CYRIB: variants seen among roughly 807,000 people sequenced by gnomAD.
CYRIB encodes CYFIP related Rac1 interactor B.
CYRIB carries 8 observed loss-of-function variants against 44.2 expected under a neutral mutation model. The ratio of observed to expected loss-of-function variants is 0.18; its 90% CI spans 0.11 to 0.33. The LOEUF (loss-of-function observed/expected upper bound fraction) is 0.33, where lower values mean the gene tolerates loss of function less well. CYRIB is among the 10% of genes least tolerant of loss of function. The probability of loss-of-function intolerance (pLI) is 1.00; values close to 1 mark genes in which losing one functional copy is unlikely to be tolerated. For synonymous variants in CYRIB, 131 were observed against 127.2 expected, an observed-to-expected ratio of 1.03 and a Z score of -0.20; for missense variants, 185 against 382.8, an observed-to-expected ratio of 0.48 and a Z score of 4.31.
At chr8:129,996,450 G>A (rs2096769184) in intron 1 of CYRIB, among the ~76,000 whole-genome samples, 1 of 152,190 alleles carries the variant, frequency 6.6e-6, no homozygotes, top group African/African-American at 2.4e-5. Context: ...GAAGCAGAAT[G>A]GATGTCCTGA....
At chr8:129,868,815 A>C (rs554866608) in intron 4 of CYRIB, 1 of 151,732 alleles carries the variant, frequency 6.6e-6, no homozygotes, top group South Asian at 2.1e-4. Flanking sequence ...TAGAGAAAAC[A>C]CTATTATTAT....
chr8:130,013,567 G>A (rs763219895), intron 1 of CYRIB, among the ~76,000 whole-genome samples: 6 of 152,288 alleles, frequency 3.9e-5, no homozygotes, highest in South Asian at 4.1e-4. Flanking sequence ...AGTGGTGGAC[G>A]ATTTTGCTGA....
intron 4 of CYRIB, among the ~76,000 whole-genome samples, chr8:129,862,631 C>T (rs1264396532): frequency 6.6e-6 from 1 of 152,136 alleles, no homozygotes; most frequent in African/African-American, 2.4e-5. Flanking sequence ...CCACCACACC[C>T]AGCTGAATTT....
At chr8:130,000,356 C>T (rs762827786) in intron 1 of CYRIB, among the ~76,000 whole-genome samples, 20 of 152,172 alleles carry the variant, frequency 1.3e-4, no homozygotes, top group Non-Finnish European at 1.9e-4. Flanking sequence ...TATATACACA[C>T]ATCAAAATGA....
chr8:129,878,642 G>A (rs1409436992), intron 3 of CYRIB, among the ~76,000 whole-genome samples: 1 of 151,942 alleles, frequency 6.6e-6, no homozygotes, highest in Non-Finnish European at 1.5e-5. Flanking sequence ...TTAACAACCA[G>A]ACAAGCTAAA....
In CYRIB at chr8:129,852,837, G is replaced by A. The variant is rs1410189632; in HGVS notation, c.517-559C>T. Among the ~76,000 whole-genome samples, 3 of 152,238 alleles carry A rather than the reference G, an allele frequency of 2.0e-5. No individual in the cohort carries two copies. The East Asian group carries it at 5.8e-4, about 29-fold the overall frequency. ...GCAACCAACGAAAGATACAGGTTGG[G>A]GTCAGACTGTATAGTGCCATAAATG... is the stretch of plus-strand genomic sequence containing the variant. On this transcript the variant is annotated intron_variant, in intron 7 of 11. Transcript: ENST00000519824.
At chr8:129,864,676 C>G (rs527308344) in intron 4 of CYRIB, 1 of 248,712 alleles carries the variant, frequency 4.0e-6, no homozygotes, top group Non-Finnish European at 8.0e-6. Flanking sequence ...GCTGAAAATG[C>G]CCAGTTCCTA....
chr8:129,913,448 T>G (rs1462162069), intron 1 of CYRIB, among the ~76,000 whole-genome samples: 3 of 152,244 alleles, frequency 2.0e-5, no homozygotes, highest in African/African-American at 7.2e-5. Flanking sequence ...ATTCATTAGC[T>G]AATCCTTTTT....
chr8:129,996,125 T>C (rs1408597869), intron 1 of CYRIB, among the ~76,000 whole-genome samples: 2 of 152,172 alleles, frequency 1.3e-5, no homozygotes, highest in East Asian at 3.9e-4. Flanking sequence ...ATCCACTCCT[T>C]CATTCATTCA....
rs192255066 is a variant in CYRIB, at chr8:129,949,649, T to C, written c.-243+21294A>G. Among the ~76,000 whole-genome samples the C allele has an allele frequency of 5.7e-4, 87 of 151,470 alleles. No individual in the cohort carries two copies. The South Asian group carries it at 0.011, about 19-fold the overall frequency. On this transcript the variant is annotated intron_variant, in intron 2 of 14. Coordinates refer to the CYRIB transcript ENST00000401979. ...TTGGGAGGCCGAGGTGGGCAGATCATTTGAGGTCGGGAGTTCGAGACCAGC... is the reference window on the plus strand; with the variant it reads ...TTGGGAGGCCGAGGTGGGCAGATCACTTGAGGTCGGGAGTTCGAGACCAGC...
chr8:129,954,086 T>C (rs933974980), intron 2 of CYRIB, among the ~76,000 whole-genome samples: 5 of 152,136 alleles, frequency 3.3e-5, no homozygotes, highest in Non-Finnish European at 5.9e-5. Flanking sequence ...AATGAGAACG[T>C]ATCCCTCTCC....
At chr8:129,992,795 T>G (rs557063976) in intron 1 of CYRIB, among the ~76,000 whole-genome samples, 1 of 152,252 alleles carries the variant, frequency 6.6e-6, no homozygotes, top group South Asian at 2.1e-4. Context: ...CCGTGAGAAT[T>G]ACAAACAGAA....
At chr8:130,010,733 A>C (rs2097196240) in intron 1 of CYRIB, among the ~76,000 whole-genome samples, 1 of 152,018 alleles carries the variant, frequency 6.6e-6, no homozygotes, top group Non-Finnish European at 1.5e-5. Flanking sequence ...CCTCTAAGCT[A>C]ACTTGGAAAC....
In CYRIB at chr8:130,015,467, C is replaced by G. The variant is rs148721175; in HGVS notation, c.-296+903G>C. 7.2e-5 allele frequency among the ~76,000 whole-genome samples: 11 copies of G among 152,334 alleles called. No homozygotes were observed. In the East Asian group the frequency reaches 1.7e-3, roughly 24 times the overall value. ...GGTAAGCGACTTGCCCAAGGTCACACAGCTAGTAAGCGGCAGGGCCAGGAA... is the reference window on the plus strand; with the variant it reads ...GGTAAGCGACTTGCCCAAGGTCACAGAGCTAGTAAGCGGCAGGGCCAGGAA... On this transcript the variant is annotated intron_variant, in intron 1 of 14. Coordinates refer to the CYRIB transcript ENST00000401979.
At chr8:129,910,080 G>A (rs1043514876) in intron 1 of CYRIB, among the ~76,000 whole-genome samples, 1 of 152,206 alleles carries the variant, frequency 6.6e-6, no homozygotes, top group Non-Finnish European at 1.5e-5. Context: ...TGTCCTCACA[G>A]GAGCTCTCCA....
intron 2 of CYRIB, among the ~76,000 whole-genome samples, chr8:129,952,395 A>C (rs1156810120): frequency 6.6e-6 from 1 of 152,180 alleles, no homozygotes; most frequent in African/African-American, 2.4e-5. Flanking sequence ...TATTACATGT[A>C]TATGTATGTA....
At chr8:129,898,551 T>TAA (rs1325373602) in intron 2 of CYRIB, among the ~76,000 whole-genome samples, 1 of 152,244 alleles carries the variant, frequency 6.6e-6, no homozygotes, top group Admixed American at 6.5e-5. Context: ...CCTTGTACAC[T>TAA]AACGGAATTT....
chr8:129,944,326 G>A (rs1448098817), upstream of CYRIB, among the ~76,000 whole-genome samples: 1 of 152,184 alleles, frequency 6.6e-6, no homozygotes, highest in South Asian at 2.1e-4. Flanking sequence ...GATGCTACCT[G>A]ATGCAGAATC....
intron 4 of CYRIB, among the ~76,000 whole-genome samples, chr8:129,866,194 A>G (rs981399031): frequency 6.6e-6 from 1 of 152,214 alleles, no homozygotes; most frequent in Non-Finnish European, 1.5e-5. Flanking sequence ...CAAAGCTGGA[A>G]CATCAGGTAT....
Sources: allele counts gnomAD v4.1 joint callset (sites outside exome capture counted in the v4.1 genomes callset), GRCh38; gene constraint gnomAD v4.1.1; transcripts MANE v1.5; gene names NCBI Gene and HGNC (gene_info 2026-07-23, HGNC 2026-07-21).